MME: variants seen among roughly 807,000 people sequenced by gnomAD.
MME encodes the protein membrane metalloendopeptidase, also known as neprilysin.
Under a neutral mutation model 113.2 loss-of-function variants are expected in MME, and 98 were observed. That is an observed-to-expected ratio of 0.87 (90% CI 0.74 to 1.02). The LOEUF is 1.02. Among genes scored for constraint, MME ranks in the 50% least tolerant of loss-of-function variants. The pLI, the probability that MME is intolerant of heterozygous loss-of-function variation, is 0.00. For synonymous variants in MME, 292 were observed against 300.6 expected (o/e 0.97, Z 0.30); for missense variants, 836 against 896.0 (o/e 0.93, Z 0.86).
In MME at chr3:155,103,730, C is replaced by T. The variant is rs185757481; in HGVS notation, c.197-11264C>T. Among the ~76,000 whole-genome samples, 8 of 152,280 alleles carry T rather than the reference C, an allele frequency of 5.3e-5. No homozygotes were observed. In the East Asian group the frequency reaches 1.5e-3, roughly 29 times the overall value. On this transcript the variant is annotated intron_variant, in intron 3 of 22. Transcript: ENST00000360490. ...CTCCCTTCTCAATAATTTATTTCTT[C>T]TCTCTTTTAACACTCTGTGTTCTTC... is the stretch of plus-strand genomic sequence containing the variant.
At chr3:155,102,603 T>C (rs1213177227) in intron 3 of MME, among the ~76,000 whole-genome samples, 33 of 152,158 alleles carry the variant, frequency 2.2e-4, no homozygotes, top group Admixed American at 2.2e-3. Flanking sequence ...GTTAACAAGA[T>C]GATTTAGAAC....
chr3:155,088,066 T>C (rs1715918487), intron 3 of MME, among the ~76,000 whole-genome samples: 1 of 152,198 alleles, frequency 6.6e-6, no homozygotes, highest in South Asian at 2.1e-4. Flanking sequence ...AGCTGTATAT[T>C]TTTCTTCATT....
At chr3:155,128,480 T>A (rs1480027561) in intron 8 of MME, among the ~76,000 whole-genome samples, 2 of 152,182 alleles carry the variant, frequency 1.3e-5, no homozygotes, top group Non-Finnish European at 2.9e-5. Context: ...AAGTTTACCT[T>A]CAGTAGAGGA....
At chr3:155,045,296 G>T (rs1713519107) in intron 1 of MME, among the ~76,000 whole-genome samples, 1 of 151,838 alleles carries the variant, frequency 6.6e-6, no homozygotes, top group South Asian at 2.1e-4. Context: ...GACTACAGGT[G>T]CCTGCCACCA....
chr3:155,060,999 T>C (rs934460535), intron 1 of MME, among the ~76,000 whole-genome samples: 4 of 152,186 alleles, frequency 2.6e-5, no homozygotes, highest in African/African-American at 9.6e-5. Flanking sequence ...TTTGGAGTTT[T>C]GGTTTCACTG....
At chr3:155,106,110 T>C (rs1272603053) in intron 3 of MME, among the ~76,000 whole-genome samples, 1 of 152,230 alleles carries the variant, frequency 6.6e-6, no homozygotes, top group East Asian at 1.9e-4. Flanking sequence ...ATAGGTCTCC[T>C]TACTTAAGAG....
intron 1 of MME, among the ~76,000 whole-genome samples, chr3:155,041,917 C>T (rs73874471): frequency 0.053 from 8,100 of 152,116 alleles, 629 homozygotes; most frequent in African/African-American, 0.17. Flanking sequence ...GTCAGTAGCA[C>T]GGTAATATCT....
chr3:155,039,430 C>T (rs1381244046), intron 1 of MME, among the ~76,000 whole-genome samples: 2 of 152,108 alleles, frequency 1.3e-5, no homozygotes, highest in African/African-American at 2.4e-5. Flanking sequence ...CATTAGAGAC[C>T]TGTTTGGGTT....
Position 155,160,467 on chromosome 3 carries a change from T to TA in MME, c.1660+21dup, listed in dbSNP as rs1162814547. On this transcript the variant is annotated intron_variant, in intron 17 of 22. Transcript: ENST00000360490. ...CAGATAGGTAAGGTGTATTCTTAAA[T>TA]AATTATTTAATATTTCTCTATCGTT... The TA allele has an allele frequency of 6.6e-7, 1 of 1,504,126 alleles. No homozygotes were observed. Among genetic ancestry groups the TA allele is most frequent in the Admixed American group, 1.7e-5 (1 of 59,808 alleles). The allele number at this position is 1,504,126 out of a possible 1,614,324, so 93.2% of individuals were successfully genotyped here.
At chr3:155,155,400 G>A (rs1278338774) in intron 16 of MME, among the ~76,000 whole-genome samples, 1 of 152,168 alleles carries the variant, frequency 6.6e-6, no homozygotes, top group African/African-American at 2.4e-5. Flanking sequence ...ACGGTGCACA[G>A]TTTCTGACAG....
intron 20 of MME, among the ~76,000 whole-genome samples, chr3:155,171,152 C>T (rs1039653070): frequency 2.6e-5 from 4 of 152,290 alleles, no homozygotes; most frequent in Admixed American, 1.3e-4. Context: ...AGAGCAAGTA[C>T]AGAATTGTTA....
At chr3:155,138,821 C>G (rs1259229724) in intron 9 of MME, among the ~76,000 whole-genome samples, 1 of 152,124 alleles carries the variant, frequency 6.6e-6, no homozygotes, top group Admixed American at 6.5e-5. Context: ...TGAGTTGGCA[C>G]TTTCTTCCCT....
upstream of MME, among the ~76,000 whole-genome samples, chr3:155,074,988 GT>G (rs1290818839): frequency 6.6e-6 from 1 of 151,224 alleles, no homozygotes; most frequent in Non-Finnish European, 1.5e-5. Context: ...TTTTAATATT[GT>G]TATCCAGATC....
chr3:155,025,553 G>A lies in MME; in HGVS notation c.-11+1229G>A, dbSNP rs547390605. Among the ~76,000 whole-genome samples, 28 of 150,726 alleles carry A rather than the reference G, an allele frequency of 1.9e-4. No individual in the cohort carries two copies. The South Asian group carries it at 4.4e-3, about 24-fold the overall frequency. On this transcript the variant is annotated intron_variant, in intron 1 of 22. Coordinates refer to the MME transcript ENST00000492661. ...CCAGGAGAATCACTTGAACCCAGGA[G>A]GCAGAGGTTGCGGTGAGCCGAGATA...
intron 1 of MME, among the ~76,000 whole-genome samples, chr3:155,031,302 T>C (rs955002826): frequency 1.3e-5 from 2 of 152,184 alleles, no homozygotes; most frequent in African/African-American, 4.8e-5. Flanking sequence ...AGTTTCATTT[T>C]CATTCTGTAG....
At chr3:155,133,880 T>A (rs1179478731) in intron 8 of MME, among the ~76,000 whole-genome samples, 1 of 149,890 alleles carries the variant, frequency 6.7e-6, no homozygotes, top group Non-Finnish European at 1.5e-5. Flanking sequence ...TACCATTTTG[T>A]TTATAGTCAG....
intron 7 of MME, 98 bp from the exon 8 acceptor site, chr3:155,118,648 G>A (rs1456032661): frequency 1.5e-5 from 12 of 801,570 alleles, no homozygotes; most frequent in Non-Finnish European, 2.6e-5. Context: ...AACAGCAAGA[G>A]TAGGATCTTT....
intron 17 of MME, among the ~76,000 whole-genome samples, chr3:155,165,221 A>C (rs1433533913): frequency 6.6e-6 from 1 of 152,148 alleles, no homozygotes; most frequent in African/African-American, 2.4e-5. Context: ...TTACTAAACT[A>C]TGAACATTTA....
At chr3:155,049,667 C>A (rs866284323) in intron 1 of MME, among the ~76,000 whole-genome samples, 207 of 118,104 alleles carry the variant, frequency 1.8e-3, no homozygotes, top group African/African-American at 5.7e-3. Flanking sequence ...ATCTATCTAT[C>A]TATCTATATA....
Sources: allele counts gnomAD v4.1 joint callset (sites outside exome capture counted in the v4.1 genomes callset), GRCh38; gene constraint gnomAD v4.1.1; transcripts MANE v1.5; gene names NCBI Gene and HGNC (gene_info 2026-07-23, HGNC 2026-07-21).